DCDC1: variants seen among roughly 807,000 people sequenced by gnomAD.
DCDC1 encodes the protein doublecortin domain-containing protein 1.
DCDC1 carries 200 observed loss-of-function variants against 178.3 expected under a neutral mutation model. The ratio of observed to expected loss-of-function variants is 1.12; its 90% confidence interval spans 1.00 to 1.26. DCDC1 has a LOEUF of 1.26. Among genes scored for constraint, DCDC1 ranks in the 50% most tolerant of loss-of-function variants. The pLI, the probability that DCDC1 is intolerant of heterozygous loss-of-function variation, is 0.00. For synonymous variants in DCDC1, 690 were observed against 604.8 expected (o/e 1.14, Z -2.07); for missense variants, 1,983 against 1,749.2 (o/e 1.13, Z -2.38).
intron 16 of DCDC1, among the ~76,000 whole-genome samples, chr11:31,093,639 T>C (rs1957950892): frequency 6.6e-6 from 1 of 152,188 alleles, no homozygotes; most frequent in Non-Finnish European, 1.5e-5. Flanking sequence ...TAAAACTACG[T>C]CCTTGCTAAG....
At chr11:30,964,114 T>A (rs1366238772) in intron 20 of DCDC1, among the ~76,000 whole-genome samples, 1 of 152,130 alleles carries the variant, frequency 6.6e-6, no homozygotes, top group African/African-American at 2.4e-5. Context: ...ACTCCTAGGG[T>A]GTGCAGTGCC....
intron 9 of DCDC1, among the ~76,000 whole-genome samples, chr11:31,158,686 T>C (rs1443852812): frequency 1.3e-5 from 2 of 152,178 alleles, no homozygotes; most frequent in East Asian, 3.9e-4. Flanking sequence ...AATGTTTCAT[T>C]ATAAATGTTT....
intron 9 of DCDC1, among the ~76,000 whole-genome samples, chr11:31,158,111 A>ATTT (rs201238644): frequency 0.07 from 9,205 of 131,908 alleles, 383 homozygotes; most frequent in East Asian, 0.3. Context: ...TTATTTTATT[A>ATTT]TATTTTTTTG....
chr11:31,168,136 T>C (rs1449704965), intron 9 of DCDC1, among the ~76,000 whole-genome samples: 3 of 152,146 alleles, frequency 2.0e-5, no homozygotes, highest in Non-Finnish European at 4.4e-5. Flanking sequence ...TCAACACTGG[T>C]TTCCTTTTCT....
chr11:30,988,474 A>G (rs1390533877), intron 20 of DCDC1, among the ~76,000 whole-genome samples: 3 of 151,896 alleles, frequency 2.0e-5, no homozygotes, highest in South Asian at 2.1e-4. Flanking sequence ...TGGGAAAGGA[A>G]AATAAGCACT....
At chr11:31,229,663 A>G (rs990885143) in intron 9 of DCDC1, among the ~76,000 whole-genome samples, 1 of 152,172 alleles carries the variant, frequency 6.6e-6, no homozygotes, top group African/African-American at 2.4e-5. Flanking sequence ...GGCCTCAGAT[A>G]TTAAGGGCCA....
In DCDC1 at chr11:31,022,157, G is replaced by A. The variant is rs988357498; in HGVS notation, c.2591+42312C>T. 5.3e-5 allele frequency among the ~76,000 whole-genome samples: 8 copies of A among 151,970 alleles called. No individual in the cohort carries two copies. In the East Asian group the frequency reaches 1.5e-3, roughly 29 times the overall value. Reference sequence around the variant, plus strand: ...GAAATTAAATATCTCACAGTTCTAGGGCCTACAAGTCCAAAATCAACGTGC... The same window carrying A: ...GAAATTAAATATCTCACAGTTCTAGAGCCTACAAGTCCAAAATCAACGTGC... On this transcript the variant is annotated intron_variant, in intron 20 of 38. Transcript: ENST00000684477.
At chr11:31,351,745 C>T (rs1045866661) in intron 1 of DCDC1, among the ~76,000 whole-genome samples, 3 of 152,248 alleles carry the variant, frequency 2.0e-5, no homozygotes, top group African/African-American at 7.2e-5. Flanking sequence ...TATTCACATG[C>T]ATAAATGCAG....
chr11:31,090,401 T>C (rs936909426), intron 17 of DCDC1, among the ~76,000 whole-genome samples: 3 of 152,168 alleles, frequency 2.0e-5, no homozygotes, highest in South Asian at 4.1e-4. Context: ...CCAAACCACT[T>C]AGTAGGTATG....
At chr11:30,960,168 G>C (rs1949014163) in intron 20 of DCDC1, among the ~76,000 whole-genome samples, 2 of 152,054 alleles carry the variant, frequency 1.3e-5, no homozygotes, top group African/African-American at 2.4e-5. Flanking sequence ...TAATCTTCAA[G>C]TATAAATATA....
At chr11:30,871,017 G>A (rs1941498755) in intron 38 of DCDC1, among the ~76,000 whole-genome samples, 1 of 152,212 alleles carries the variant, frequency 6.6e-6, no homozygotes, top group Admixed American at 6.5e-5. Context: ...TAGGGAAACT[G>A]TGCTTTGCAT....
intron 1 of DCDC1, among the ~76,000 whole-genome samples, chr11:31,352,927 G>C (rs1420172688): frequency 6.6e-6 from 1 of 152,180 alleles, no homozygotes; most frequent in Admixed American, 6.6e-5. Flanking sequence ...GATGCAATTA[G>C]AATGACTATT....
At chr11:30,934,142 C>T (rs1316430753) in intron 21 of DCDC1, among the ~76,000 whole-genome samples, 1 of 152,172 alleles carries the variant, frequency 6.6e-6, no homozygotes, top group African/African-American at 2.4e-5. Context: ...ATCCAATTCA[C>T]AATCTTAATA....
In DCDC1 at chr11:31,047,562, C is replaced by A. The variant is rs185969082; in HGVS notation, c.2591+16907G>T. Among the ~76,000 whole-genome samples, 3 of 152,256 alleles carry A rather than the reference C, an allele frequency of 2.0e-5. No individual in the cohort carries two copies. The East Asian group carries it at 5.8e-4, about 29-fold the overall frequency. ...TTCAACTTTCTCAAGAGTAGACTATCACTTTTATTTATATCCTCCAACTTG... is the reference window on the plus strand; with the variant it reads ...TTCAACTTTCTCAAGAGTAGACTATAACTTTTATTTATATCCTCCAACTTG... On this transcript the variant is annotated intron_variant, in intron 20 of 38. Coordinates refer to ENST00000684477, the MANE Select transcript of DCDC1 (RefSeq NM_001387274.1).
rs58611104 is a variant in DCDC1 at position 31,054,244 on chromosome 11, GAA to G, written c.2591+10223_2591+10224del. On this transcript the variant is annotated intron_variant, in intron 20 of 38. Coordinates refer to ENST00000684477, the MANE Select transcript of DCDC1 (RefSeq NM_001387274.1). ...TACAATAGCTGAAAAAAGGAAAAAAGAAAAAAAAAAAAAACAACTTAAGAATT... is the reference window on the plus strand; with the variant it reads ...TACAATAGCTGAAAAAAGGAAAAAAGAAAAAAAAAAAACAACTTAAGAATT... Among the ~76,000 whole-genome samples, 332 of 119,054 alleles carry G rather than the reference GAA, an allele frequency of 2.8e-3. 2 individuals carry two copies. The highest frequency in any genetic ancestry group is 7.3e-3 in the African/African-American group (237 of 32,344). 78.1% of individuals were successfully genotyped at this position (119,054 alleles called of 152,430 possible).
At position 31,112,599 on chromosome 11, in the gene DCDC1, T is replaced by C. The variant is rs80141751; in HGVS notation, c.1486-2238A>G. On this transcript the variant is annotated intron_variant, in intron 11 of 38. Coordinates refer to ENST00000684477, the MANE Select transcript of DCDC1 (RefSeq NM_001387274.1). ...CCTTGGGTCCTAAGGAATAAGGTCA[T>C]AGAACCTAAAAAATCATGATGCAGA... Among the ~76,000 whole-genome samples, 226 of 152,256 alleles carry C rather than the reference T, an allele frequency of 1.5e-3. 1 individual carries two copies. In the East Asian group the frequency reaches 0.039, roughly 26 times the overall value.
intron 9 of DCDC1, among the ~76,000 whole-genome samples, chr11:31,152,073 ATT>A (rs1339721952): frequency 6.6e-6 from 1 of 152,110 alleles, no homozygotes; most frequent in Non-Finnish European, 1.5e-5. Flanking sequence ...TATAATTATT[ATT>A]TGTCAATTAA....
chr11:31,191,449 A>G (rs372344914), intron 9 of DCDC1, among the ~76,000 whole-genome samples: 36 of 152,166 alleles, frequency 2.4e-4, no homozygotes, highest in African/African-American at 8.0e-4. Flanking sequence ...AATATTATCA[A>G]GGAAGACAGA....
At chr11:31,269,670 A>T (rs958579552) in intron 7 of DCDC1, among the ~76,000 whole-genome samples, 1 of 152,110 alleles carries the variant, frequency 6.6e-6, no homozygotes, top group Non-Finnish European at 1.5e-5. Context: ...ACAGACATGA[A>T]CCACTGCACC....
Sources: allele counts gnomAD v4.1 joint callset (sites outside exome capture counted in the v4.1 genomes callset), GRCh38; gene constraint gnomAD v4.1.1; transcripts MANE v1.5; gene names NCBI Gene and HGNC (gene_info 2026-07-23, HGNC 2026-07-21).